The following CDKN2B-AS1 variants were observed in gnomAD, a reference collection of about 807,000 sequenced individuals.
CDKN2B-AS1 encodes CDKN2B antisense RNA 1 (non-protein coding).
chr9:22,076,436 CTA>C (rs1563966069), intron 4 of CDKN2B-AS1, among the ~76,000 whole-genome samples: 1 of 152,000 alleles, frequency 6.6e-6, no homozygotes, highest in Non-Finnish European at 1.5e-5. Context: ...AAATATATAA[CTA>C]TTTATTTTTA....
intron 4 of CDKN2B-AS1, chr9:22,120,366 G>T (rs554659512): frequency 6.6e-6 from 1 of 152,358 alleles, no homozygotes; most frequent in South Asian, 2.1e-4. Flanking sequence ...GAGGCTGAGA[G>T]CATGGGAGAT....
chr9:22,089,262 A>G (rs1015356544), intron 4 of CDKN2B-AS1, among the ~76,000 whole-genome samples: 2 of 152,230 alleles, frequency 1.3e-5, no homozygotes, highest in African/African-American at 4.8e-5. Flanking sequence ...AGCAAATTTC[A>G]GTGGATACTT....
intron 4 of CDKN2B-AS1, among the ~76,000 whole-genome samples, chr9:22,095,251 C>CG (rs1171979276): frequency 6.9e-6 from 1 of 144,774 alleles, no homozygotes; most frequent in Non-Finnish European, 1.5e-5. Context: ...TTAGGCTACT[C>CG]GGGGGTCAGG....
chr9:22,047,829 C>T (rs1394387005), intron 2 of CDKN2B-AS1, among the ~76,000 whole-genome samples: 2 of 151,398 alleles, frequency 1.3e-5, no homozygotes, highest in Non-Finnish European at 2.9e-5. Flanking sequence ...TTCTGTTGCC[C>T]AGGCTGTAAT....
At chr9:22,008,653 G>T in intron 1 of CDKN2B-AS1, 3 of 1,602,764 alleles carry the variant, frequency 1.9e-6, no homozygotes, top group South Asian at 2.2e-5. Context: ...GTAAAAGCCT[G>T]TTTTACGCGT....
In CDKN2B-AS1 at chr9:22,110,781, T is replaced by A. The variant is rs1825786467; in HGVS notation, n.439-16322T>A. On this transcript the variant is annotated intron_variant and non_coding_transcript_variant, in intron 4 of 4. Transcript: ENST00000650946. ...GCCCTGTATTTCCTCCCCAATCTCA[T>A]CCCGCTCCTACTCTTGAAAGTGATC... Among the ~76,000 whole-genome samples the A allele has an allele frequency of 2.6e-5, 4 of 152,130 alleles. No individual in the cohort carries two copies. In the South Asian group the frequency reaches 6.2e-4, roughly 24 times the overall value.
At chr9:22,105,833 A>C (rs973581760) in intron 4 of CDKN2B-AS1, among the ~76,000 whole-genome samples, 1 of 152,236 alleles carries the variant, frequency 6.6e-6, no homozygotes, top group Non-Finnish European at 1.5e-5. Flanking sequence ...GATTAGGAGC[A>C]TGATGTGCTT....
At chr9:22,084,862 T>C (rs963225914) in intron 4 of CDKN2B-AS1, among the ~76,000 whole-genome samples, 1 of 152,188 alleles carries the variant, frequency 6.6e-6, no homozygotes, top group Non-Finnish European at 1.5e-5. Flanking sequence ...AATTGCATTC[T>C]TTTCCACAAG....
chr9:22,083,314 T>G (rs1203104040), intron 4 of CDKN2B-AS1, among the ~76,000 whole-genome samples: 1 of 152,132 alleles, frequency 6.6e-6, no homozygotes, highest in African/African-American at 2.4e-5. Flanking sequence ...CTGGGAAGGA[T>G]GAATTAATGG....
chr9:22,113,136 G>A (rs914713982), intron 4 of CDKN2B-AS1, among the ~76,000 whole-genome samples: 3 of 152,166 alleles, frequency 2.0e-5, no homozygotes, highest in Non-Finnish European at 2.9e-5. Context: ...GCACTGCGTG[G>A]CTCGGCTGGG....
intron 1 of CDKN2B-AS1, among the ~76,000 whole-genome samples, chr9:22,025,454 T>C (rs1170985427): frequency 6.6e-6 from 1 of 151,778 alleles, no homozygotes; most frequent in Admixed American, 6.6e-5. Context: ...GTCCAGGGAG[T>C]TGCTGAGTTG....
At chr9:22,016,152 A>G (rs1587403536) in intron 1 of CDKN2B-AS1, among the ~76,000 whole-genome samples, 1 of 152,190 alleles carries the variant, frequency 6.6e-6, no homozygotes, top group East Asian at 1.9e-4. Flanking sequence ...TTGGTGTTTT[A>G]GACATGAAGT....
At chr9:22,117,206 A>C (rs902670582) in intron 4 of CDKN2B-AS1, among the ~76,000 whole-genome samples, 1 of 152,242 alleles carries the variant, frequency 6.6e-6, no homozygotes, top group African/African-American at 2.4e-5. Context: ...TAAAGAGCTC[A>C]GACTTCTCAG....
chr9:22,105,457 G>A (rs1037989192), intron 4 of CDKN2B-AS1, among the ~76,000 whole-genome samples: 1 of 152,154 alleles, frequency 6.6e-6, no homozygotes, highest in African/African-American at 2.4e-5. Context: ...AAGCGGGGCT[G>A]GGCAGCTAGA....
intron 4 of CDKN2B-AS1, among the ~76,000 whole-genome samples, chr9:22,080,098 A>G (rs375087462): frequency 6.6e-6 from 1 of 152,232 alleles, no homozygotes; most frequent in Non-Finnish European, 1.5e-5. Flanking sequence ...TAAATCTCAG[A>G]TGGTACTGAA....
chr9:22,016,491 T>G (rs1258128242), intron 1 of CDKN2B-AS1, among the ~76,000 whole-genome samples: 1 of 152,170 alleles, frequency 6.6e-6, no homozygotes, highest in East Asian at 1.9e-4. Context: ...CATTGCCAAG[T>G]CAATCCTAAG....
intron 4 of CDKN2B-AS1, among the ~76,000 whole-genome samples, chr9:22,078,259 C>A (rs895655043): frequency 1.3e-5 from 2 of 151,980 alleles, no homozygotes; most frequent in African/African-American, 4.8e-5. Flanking sequence ...TATTTGCTTG[C>A]TTTCAATTTT....
intron 4 of CDKN2B-AS1, chr9:22,096,639 C>T (rs1000661362): frequency 1.2e-4 from 18 of 152,394 alleles, no homozygotes; most frequent in African/African-American, 3.6e-4. Context: ...TCTCAAGGAC[C>T]TTTGTTATTT....
chr9:22,064,579 A>G (rs182683637), intron 4 of CDKN2B-AS1, among the ~76,000 whole-genome samples: 11 of 152,314 alleles, frequency 7.2e-5, no homozygotes, highest in Admixed American at 3.9e-4. Flanking sequence ...ATTGACCACA[A>G]ATATTCCAAA....
Sources: gnomAD v4.1 joint callset for allele counts (sites outside exome capture counted in the v4.1 genomes callset) on GRCh38, gnomAD v4.1.1 for gene constraint, MANE v1.5 for transcripts, NCBI Gene and HGNC (gene_info 2026-07-23, HGNC 2026-07-21) for gene names.